Variants in PTPRT observed in about 807,000 individuals in gnomAD.
PTPRT encodes the protein protein tyrosine phosphatase receptor type T, also known as receptor-type tyrosine-protein phosphatase T.
In PTPRT, 56 loss-of-function variants were observed where a neutral mutation model predicts 176.8. The observed-to-expected ratio is 0.32, with a 90% CI of 0.26 to 0.40. PTPRT has a LOEUF of 0.40. Among genes scored for constraint, PTPRT ranks in the 10% least tolerant of loss-of-function variants. The pLI is 1.00. For synonymous variants in PTPRT, 783 were observed against 739.0 expected (o/e 1.06, Z -0.96); for missense variants, 1,540 against 1,908.2 (o/e 0.81, Z 3.60).
intron 1 of PTPRT, among the ~76,000 whole-genome samples, chr20:43,160,628 C>A (rs2014666514): frequency 6.6e-6 from 1 of 152,040 alleles, no homozygotes. Context: ...AACAGGTAAG[C>A]CTACACTTAC....
intron 13 of PTPRT, among the ~76,000 whole-genome samples, chr20:42,277,088 C>T (rs1476318835): frequency 1.3e-5 from 2 of 152,104 alleles, no homozygotes; most frequent in African/African-American, 2.4e-5. Flanking sequence ...GGAACAATGG[C>T]GTTAGTCCAT....
intron 15 of PTPRT, among the ~76,000 whole-genome samples, chr20:42,213,051 G>A (rs2055682472): frequency 6.6e-6 from 1 of 152,142 alleles, no homozygotes; most frequent in Admixed American, 6.5e-5. Flanking sequence ...CACTAAGCTT[G>A]AGCACCACCG....
rs768040263 is a variant in PTPRT, at chr20:42,118,392, G to A, written c.2982+11C>T. ...GCATCCTCTGCCCAGGCGAGTGCAG[G>A]AGAGGCTTACCCTGCCCACTTCCAC... On this transcript the variant is annotated intron_variant, in intron 21 of 30. Transcript: ENST00000373187. The A allele has an allele frequency of 3.1e-6, 5 of 1,604,382 alleles. No homozygotes were observed. The highest frequency in any genetic ancestry group is 1.7e-5 in the Admixed American group (1 of 59,052).
At chr20:42,928,337 G>A (rs1298011565) in intron 1 of PTPRT, among the ~76,000 whole-genome samples, 1 of 152,242 alleles carries the variant, frequency 6.6e-6, no homozygotes, top group Non-Finnish European at 1.5e-5. Context: ...GGGGCAGAGG[G>A]AGGGGACAGG....
intron 18 of PTPRT, among the ~76,000 whole-genome samples, chr20:42,139,638 C>T (rs376226097): frequency 5.3e-5 from 8 of 152,360 alleles, no homozygotes; most frequent in African/African-American, 1.9e-4. Flanking sequence ...GCAGGGGATC[C>T]TTTCCCAGCT....
At position 42,197,376 on chromosome 20, in the gene PTPRT, CAAAAAAAAA is replaced by C. The variant is rs3086756; in HGVS notation, c.2491+1855_2491+1863del. ...CCTGGGTGATAGAGTGAGACTCCAT[CAAAAAAAAA>C]AAAAAAAAAAAAAAAAGTCAGTATC... is the stretch of plus-strand genomic sequence containing the variant. On this transcript the variant is annotated intron_variant, in intron 16 of 30. Coordinates refer to ENST00000373187, the MANE Select transcript of PTPRT (RefSeq NM_007050.6). Among the ~76,000 whole-genome samples the C allele has an allele frequency of 6.2e-3, 205 of 33,322 alleles. 2 individuals carry two copies. Among genetic ancestry groups the C allele is most frequent in the African/African-American group, 0.025 (190 of 7,630 alleles). 21.9% of individuals were successfully genotyped at this position (33,322 alleles called of 152,430 possible).
intron 7 of PTPRT, among the ~76,000 whole-genome samples, chr20:42,657,710 T>C (rs916759708): frequency 6.6e-6 from 1 of 152,160 alleles, no homozygotes; most frequent in Non-Finnish European, 1.5e-5. Flanking sequence ...ATAATTCTTG[T>C]CCATAGATAT....
At chr20:42,614,617 T>C (rs982630661) in intron 7 of PTPRT, among the ~76,000 whole-genome samples, 2 of 152,154 alleles carry the variant, frequency 1.3e-5, no homozygotes, top group Non-Finnish European at 2.9e-5. Context: ...CAGGAAATGA[T>C]CTTACCTCCT....
At chr20:42,388,948 A>C (rs1374943282) in intron 9 of PTPRT, among the ~76,000 whole-genome samples, 1 of 152,230 alleles carries the variant, frequency 6.6e-6, no homozygotes, top group African/African-American at 2.4e-5. Context: ...ATGCAGCCAT[A>C]AGAAATGATG....
chr20:42,067,476 C>T, the PTPRT span, among the ~76,000 whole-genome samples: 1 of 61,932 alleles, frequency 1.6e-5, no homozygotes, highest in Admixed American at 1.7e-4. Flanking sequence ...GATCCACATA[C>T]TCTCCACCCC....
At chr20:42,229,146 G>A (rs2056082442) in intron 15 of PTPRT, among the ~76,000 whole-genome samples, 1 of 152,202 alleles carries the variant, frequency 6.6e-6, no homozygotes, top group South Asian at 2.1e-4. Context: ...AGGATGCCAT[G>A]AGAGTTGTTC....
chr20:42,454,289 A>G (rs1401682478), intron 8 of PTPRT, among the ~76,000 whole-genome samples: 1 of 152,126 alleles, frequency 6.6e-6, no homozygotes, highest in Non-Finnish European at 1.5e-5. Flanking sequence ...CTTACAATAT[A>G]ATTTATTGGA....
chr20:42,129,744 T>G (rs1190464723), intron 18 of PTPRT, among the ~76,000 whole-genome samples: 1 of 152,218 alleles, frequency 6.6e-6, no homozygotes, highest in Non-Finnish European at 1.5e-5. Flanking sequence ...AAGGGTTTTC[T>G]GGGAGTCACG....
chr20:42,980,660 G>T (rs771253098), intron 1 of PTPRT, among the ~76,000 whole-genome samples: 2 of 152,086 alleles, frequency 1.3e-5, no homozygotes, highest in South Asian at 2.1e-4. Context: ...GATGGTCCTG[G>T]GGGTCAAATC....
At chr20:43,020,119 TATATATATAC>T (rs1179873952) in intron 1 of PTPRT, among the ~76,000 whole-genome samples, 2 of 127,768 alleles carry the variant, frequency 1.6e-5, no homozygotes, top group Non-Finnish European at 1.5e-5. Flanking sequence ...TGTATATATA[TATATATATAC>T]ATATGCATGT....
chr20:42,116,973 C>T (rs1314052070), intron 21 of PTPRT, among the ~76,000 whole-genome samples: 1 of 152,144 alleles, frequency 6.6e-6, no homozygotes, highest in Non-Finnish European at 1.5e-5. Flanking sequence ...GTAGCTGCAC[C>T]CTGGGCCTGG....
intron 9 of PTPRT, among the ~76,000 whole-genome samples, chr20:42,355,343 C>T (rs2058344452): frequency 6.6e-6 from 1 of 152,148 alleles, no homozygotes; most frequent in South Asian, 2.1e-4. Context: ...TATCTCTTTA[C>T]TGGTGTTTCT....
chr20:42,550,586 T>C (rs2145612193), intron 7 of PTPRT, among the ~76,000 whole-genome samples: 1 of 152,216 alleles, frequency 6.6e-6, no homozygotes, highest in Middle Eastern at 3.4e-3. Context: ...ACCCATGGTA[T>C]CTCTTGCCTA....
chr20:42,915,775 T>C (rs1978701638), intron 1 of PTPRT, among the ~76,000 whole-genome samples: 1 of 152,028 alleles, frequency 6.6e-6, no homozygotes, highest in African/African-American at 2.4e-5. Flanking sequence ...GTATTTTTTT[T>C]TTCTGTAGAT....
Sources: gnomAD v4.1 joint callset for allele counts (sites outside exome capture counted in the v4.1 genomes callset) on GRCh38, gnomAD v4.1.1 for gene constraint, MANE v1.5 for transcripts, NCBI Gene and HGNC (gene_info 2026-07-23, HGNC 2026-07-21) for gene names.